Variants in DCAF5 observed in about 807,000 individuals in gnomAD.
DCAF5 encodes the protein DDB1- and CUL4-associated factor 5.
DCAF5 carries 9 observed loss-of-function variants against 80.7 expected under a neutral mutation model. The observed-to-expected ratio is 0.11, with a 90% CI of 0.07 to 0.19. DCAF5 has a LOEUF of 0.19. DCAF5 is among the 10% of genes least tolerant of loss of function. DCAF5 has a pLI of 1.00. For synonymous variants in DCAF5, 433 were observed against 461.9 expected (o/e 0.94, Z 0.80); for missense variants, 842 against 1,205.7 (o/e 0.70, Z 4.47).
At chr14:69,119,261 T>C (rs1230144660) in intron 2 of DCAF5, 31 bp from the exon 3 acceptor site, 1 of 1,611,210 alleles carries the variant, frequency 6.2e-7, no homozygotes, top group South Asian at 1.1e-5. Context: ...CATCTGATCA[T>C]TCGTGCAAGG....
chr14:69,148,538 T>C (rs541440387), intron 1 of DCAF5, among the ~76,000 whole-genome samples: 1 of 151,910 alleles, frequency 6.6e-6, no homozygotes, highest in African/African-American at 2.4e-5. Flanking sequence ...CTACTAAAAA[T>C]ACAAAAATTA....
intron 5 of DCAF5, among the ~76,000 whole-genome samples, chr14:69,096,415 T>G (rs189823912): frequency 6.6e-6 from 1 of 152,220 alleles, no homozygotes; most frequent in Admixed American, 6.5e-5. Context: ...ATGAATTCAG[T>G]ATACTTTTTG....
At chr14:69,115,883 T>C (rs1595027238) in intron 5 of DCAF5, among the ~76,000 whole-genome samples, 1 of 152,202 alleles carries the variant, frequency 6.6e-6, no homozygotes, top group African/African-American at 2.4e-5. Flanking sequence ...TATTTGAATA[T>C]ACAATATATA....
chr14:69,108,231 T>A (rs552193681), intron 5 of DCAF5, among the ~76,000 whole-genome samples: 45 of 152,318 alleles, frequency 3.0e-4, no homozygotes, highest in Admixed American at 1.6e-3. Flanking sequence ...TAGTGCCAGG[T>A]GCCGGGGGAC....
chr14:69,104,727 G>GGC (rs934768608), intron 5 of DCAF5, among the ~76,000 whole-genome samples: 3 of 151,948 alleles, frequency 2.0e-5, no homozygotes, highest in African/African-American at 7.3e-5. Flanking sequence ...TGTAGCAGCG[G>GGC]GCGCCTGTAA....
At chr14:69,104,501 A>G (rs1046022995) in intron 5 of DCAF5, among the ~76,000 whole-genome samples, 2 of 152,128 alleles carry the variant, frequency 1.3e-5, no homozygotes, top group African/African-American at 4.8e-5. Flanking sequence ...CATAAGCTAG[A>G]ATATAAGAAA....
chr14:69,088,167 T>C (rs778816415), intron 6 of DCAF5, among the ~76,000 whole-genome samples: 54 of 152,214 alleles, frequency 3.5e-4, no homozygotes, highest in Non-Finnish European at 1.5e-4. Flanking sequence ...CCCAATCCAC[T>C]TATTTTTGCT....
At chr14:69,061,647 C>T (rs2038220384) in intron 8 of DCAF5, among the ~76,000 whole-genome samples, 1 of 152,188 alleles carries the variant, frequency 6.6e-6, no homozygotes, top group Non-Finnish European at 1.5e-5. Context: ...ATGATTCTGG[C>T]AATCAGTAGT....
intron 4 of DCAF5, among the ~76,000 whole-genome samples, chr14:69,116,974 G>T (rs1462817880): frequency 6.6e-6 from 1 of 152,178 alleles, no homozygotes; most frequent in Non-Finnish European, 1.5e-5. Flanking sequence ...GAAACACAAT[G>T]GTGTGGTTTT....
intron 5 of DCAF5, among the ~76,000 whole-genome samples, chr14:69,105,943 A>ATATATATATATCTATCTATCTATCTATC (rs1223858774): frequency 4.0e-5 from 3 of 74,172 alleles, no homozygotes; most frequent in African/African-American, 1.1e-4. Context: ...ATATATATAT[A>ATATATATATATCTATCTATCTATCTATC]TATCTCCTAT....
At chr14:69,083,060 C>T (rs991426716) in intron 6 of DCAF5, among the ~76,000 whole-genome samples, 6 of 152,186 alleles carry the variant, frequency 3.9e-5, no homozygotes, top group African/African-American at 1.2e-4. Context: ...CAGACCATAC[C>T]TAGCAGGCCT....
At chr14:69,133,974 C>A (rs572764460) in intron 1 of DCAF5, among the ~76,000 whole-genome samples, 1 of 152,288 alleles carries the variant, frequency 6.6e-6, no homozygotes, top group South Asian at 2.1e-4. Context: ...TAACCCTAGA[C>A]AATGTCTCTA....
chr14:69,075,199 A>G (rs1369133685), intron 7 of DCAF5, 146 bp downstream of exon 7: 2 of 523,448 alleles, frequency 3.8e-6, no homozygotes, highest in South Asian at 4.4e-5. Flanking sequence ...TCTGGTTTAT[A>G]ATTTTTATTT....
intron 1 of DCAF5, among the ~76,000 whole-genome samples, chr14:69,134,479 A>G (rs2140099532): frequency 6.6e-6 from 1 of 152,366 alleles, no homozygotes; most frequent in African/African-American, 2.4e-5. Flanking sequence ...AATTTGGAGA[A>G]CAGGCACATT....
intron 4 of DCAF5, among the ~76,000 whole-genome samples, chr14:69,116,758 C>G (rs1284520924): frequency 6.6e-6 from 1 of 151,932 alleles, no homozygotes; most frequent in Admixed American, 6.6e-5. Context: ...GATCTTGACA[C>G]AAAACAGAAA....
intron 1 of DCAF5, among the ~76,000 whole-genome samples, chr14:69,123,749 A>C (rs1167288560): frequency 1.3e-5 from 2 of 152,098 alleles, no homozygotes; most frequent in Non-Finnish European, 2.9e-5. Context: ...TGGAGTATGC[A>C]GTGCAGTGGC....
At chr14:69,110,455 A>C (rs2040322458) in intron 5 of DCAF5, among the ~76,000 whole-genome samples, 1 of 151,722 alleles carries the variant, frequency 6.6e-6, no homozygotes, top group African/African-American at 2.4e-5. Flanking sequence ...TTTTTAGTAG[A>C]GACAGGGTTT....
At chr14:69,147,365 T>C (rs1171475205) in intron 1 of DCAF5, among the ~76,000 whole-genome samples, 1 of 152,200 alleles carries the variant, frequency 6.6e-6, no homozygotes, top group Non-Finnish European at 1.5e-5. Context: ...ACAACAACAG[T>C]TGCAGCAGCA....
chr14:69,148,814 T>C (rs2041621488), intron 1 of DCAF5, among the ~76,000 whole-genome samples: 1 of 152,252 alleles, frequency 6.6e-6, no homozygotes, highest in South Asian at 2.1e-4. Context: ...GGCAATCTGT[T>C]ATCCTCATTT....
Sources: allele counts gnomAD v4.1 joint callset (sites outside exome capture counted in the v4.1 genomes callset), GRCh38; gene constraint gnomAD v4.1.1; transcripts MANE v1.5; gene names NCBI Gene and HGNC (gene_info 2026-07-23, HGNC 2026-07-21).